Variants in N4BP2 observed in about 807,000 individuals in gnomAD.
The protein encoded by N4BP2 is NEDD4 binding protein 2.
A neutral mutation model predicts 152.8 loss-of-function variants in N4BP2; 91 were observed. The observed-to-expected ratio is 0.60, with a 90% CI of 0.50 to 0.71. The LOEUF is 0.71. Among genes scored for constraint, N4BP2 ranks in the 30% least tolerant of loss-of-function variants. The probability of loss-of-function intolerance (pLI) is 0.00; values close to 1 mark genes in which losing one functional copy is unlikely to be tolerated. For synonymous variants in N4BP2, 646 were observed against 705.3 expected (o/e 0.92, Z 1.33); for missense variants, 1,923 against 2,059.1 (o/e 0.93, Z 1.28).
chr4:40,076,540 G>A (rs1028988940), intron 2 of N4BP2, among the ~76,000 whole-genome samples: 5 of 151,988 alleles, frequency 3.3e-5, no homozygotes, highest in African/African-American at 1.2e-4. Flanking sequence ...CCCAGGCTGG[G>A]CGCAGTGGCG....
intron 16 of N4BP2, among the ~76,000 whole-genome samples, chr4:40,146,017 C>A (rs1039668315): frequency 6.6e-6 from 1 of 151,948 alleles, no homozygotes; most frequent in Non-Finnish European, 1.5e-5. Context: ...CAAAAATTAG[C>A]CAGGCATGGT....
the N4BP2 span, among the ~76,000 whole-genome samples, chr4:40,186,874 A>G: frequency 0.76 from 116,047 of 152,116 alleles, 44,778 homozygotes; most frequent in East Asian, 0.96. Flanking sequence ...GCCAACTGGT[A>G]TCAAGTCTCA....
At chr4:40,101,170 T>C (rs983725483) in intron 3 of N4BP2, among the ~76,000 whole-genome samples, 1 of 152,164 alleles carries the variant, frequency 6.6e-6, no homozygotes, top group Non-Finnish European at 1.5e-5. Flanking sequence ...TATTTATTTA[T>C]TGTTGAGAGG....
intron 13 of N4BP2, among the ~76,000 whole-genome samples, chr4:40,133,602 C>T (rs1719099375): frequency 6.6e-6 from 1 of 152,130 alleles, no homozygotes; most frequent in South Asian, 2.1e-4. Flanking sequence ...TCCCAAAGTG[C>T]TGGGATTACA....
At chr4:40,091,251 A>C (rs572398047) in intron 2 of N4BP2, among the ~76,000 whole-genome samples, 9 of 151,536 alleles carry the variant, frequency 5.9e-5, no homozygotes, top group South Asian at 2.1e-4. Flanking sequence ...TATGCGTTTT[A>C]TTTTCTTTTT....
At chr4:40,081,979 G>A (rs1300193307) in intron 2 of N4BP2, among the ~76,000 whole-genome samples, 2 of 151,012 alleles carry the variant, frequency 1.3e-5, no homozygotes, top group East Asian at 4.0e-4. Flanking sequence ...GGGTGTGGTG[G>A]CGCATGCCTG....
At chr4:40,064,595 T>C (rs1303167081) in intron 1 of N4BP2, among the ~76,000 whole-genome samples, 2 of 151,974 alleles carry the variant, frequency 1.3e-5, no homozygotes, top group African/African-American at 2.4e-5. Context: ...TATTGAGCTC[T>C]TGTTTGCTAA....
the N4BP2 span, chr4:40,167,950 T>C: frequency 2.7e-4 from 41 of 152,216 alleles, no homozygotes; most frequent in African/African-American, 9.6e-4. Flanking sequence ...TTTTATCTTA[T>C]TGGGTGGAGG....
At chr4:40,096,066 G>A (rs1028365250) in intron 2 of N4BP2, among the ~76,000 whole-genome samples, 1 of 152,062 alleles carries the variant, frequency 6.6e-6, no homozygotes, top group African/African-American at 2.4e-5. Context: ...TTTAGTTTTG[G>A]ATATGTTAAG....
Position 40,123,151 on chromosome 4 carries a change from T to C in N4BP2, c.4223T>C (p.Val1408Ala). 6.2e-7 allele frequency: 1 copy of C among 1,611,878 alleles called. No homozygotes were observed. Among genetic ancestry groups the C allele is most frequent in the Non-Finnish European group, 8.5e-7 (1 of 1,178,226 alleles). ...GGGTCTCTAACAGTTGAAGATTGTG[T>C]GGTTCATATAGATCTGAATCTGGCG... ...DSGSLTVEDC[V>A]VHIDLNLAKV... Residue 1408 changes from valine to alanine, a missense_variant, in exon 10 of 18, where the codon GTG becomes GCG. Val to Ala is a moderately conservative substitution (Grantham distance 64). Coordinates refer to ENST00000261435, the MANE Select transcript of N4BP2 (RefSeq NM_018177.6).
At chr4:40,091,899 A>G (rs1273658610) in intron 2 of N4BP2, among the ~76,000 whole-genome samples, 1 of 142,790 alleles carries the variant, frequency 7.0e-6, no homozygotes, top group Non-Finnish European at 1.5e-5. Context: ...GTGAACTACT[A>G]TGCCCCGCCA....
rs972327549 is a variant in N4BP2 at position 40,102,842 on chromosome 4, G to A, written c.997G>A (p.Glu333Lys). ...GFNFKPHKHP[E>K]LPTKGKDVSY... The stretch of plus-strand genomic sequence containing the variant: ...CAACTTCAAGCCACACAAACATCCT[G>A]AACTGCCAACTAAGGGGAAGGATGT... The change falls in exon 4 of 18, where the codon GAA (glutamate) becomes AAA (lysine). Residue 333 changes from glutamate (E) to lysine (K), a missense_variant. Coordinates refer to ENST00000261435, the MANE Select transcript of N4BP2 (RefSeq NM_018177.6). 1.9e-6 allele frequency: 3 copies of A among 1,614,012 alleles called. No individual in the cohort carries two copies. In the African/African-American group the frequency reaches 4.0e-5, roughly 22 times the overall value.
chr4:40,122,528 C>T (rs976628535), intron 9 of N4BP2, among the ~76,000 whole-genome samples: 1 of 152,070 alleles, frequency 6.6e-6, no homozygotes, highest in African/African-American at 2.4e-5. Flanking sequence ...CATGTGCCAC[C>T]GTACCTGGCT....
intron 6 of N4BP2, 140 bp from the exon 7 acceptor site, chr4:40,113,292 G>A: frequency 1.7e-6 from 1 of 591,614 alleles, no homozygotes; most frequent in South Asian, 2.3e-5. Flanking sequence ...CTGGGTTAAA[G>A]TGATTGTATA....
chr4:40,110,464 G>C (rs896082849), intron 5 of N4BP2, among the ~76,000 whole-genome samples: 1 of 152,112 alleles, frequency 6.6e-6, no homozygotes, highest in Non-Finnish European at 1.5e-5. Context: ...GTATCTCACT[G>C]TGGTTTCAAT....
intron 4 of N4BP2, among the ~76,000 whole-genome samples, chr4:40,106,540 TC>T (rs1481442325): frequency 6.6e-6 from 1 of 152,126 alleles, no homozygotes; most frequent in Non-Finnish European, 1.5e-5. Flanking sequence ...TGATTTTTAC[TC>T]TTTTATTTTA....
rs188935014 is a variant in N4BP2, at chr4:40,109,084, G to A, written c.1498+2060G>A. On this transcript the variant is annotated intron_variant, in intron 5 of 17. Coordinates refer to ENST00000261435, the MANE Select transcript of N4BP2 (RefSeq NM_018177.6). ...CCTATCTCAGCCTCCCGAAGTGCTG[G>A]GATTACAGACATGAGCCACCACACC... 7.8e-4 allele frequency among the ~76,000 whole-genome samples: 119 copies of A among 151,778 alleles called. 2 individuals are homozygous for A. The East Asian group carries it at 0.018, about 23-fold the overall frequency.
At chr4:40,103,348 A>G in intron 4 of N4BP2, 130 bp downstream of exon 4, 2 of 731,948 alleles carry the variant, frequency 2.7e-6, no homozygotes, top group Admixed American at 2.9e-5. Flanking sequence ...CTTTTTACTA[A>G]GGTTTCCTAA....
intron 1 of N4BP2, among the ~76,000 whole-genome samples, chr4:40,064,220 A>G (rs973510437): frequency 3.3e-5 from 5 of 152,230 alleles, no homozygotes; most frequent in African/African-American, 1.2e-4. Context: ...TGGTAAGTCC[A>G]ACATTTTAAA....
Sources: allele counts gnomAD v4.1 joint callset (sites outside exome capture counted in the v4.1 genomes callset), GRCh38; gene constraint gnomAD v4.1.1; transcripts MANE v1.5; gene names NCBI Gene and HGNC (gene_info 2026-07-23, HGNC 2026-07-21).